Variants in GRIK3 observed in about 807,000 individuals in gnomAD.
GRIK3 encodes glutamate receptor ionotropic, kainate 3.
GRIK3 carries 29 observed loss-of-function variants against 102.5 expected under a neutral mutation model. The observed-to-expected ratio is 0.28, with a 90% CI of 0.21 to 0.39. GRIK3 has a LOEUF of 0.39. Ranked by LOEUF, GRIK3 falls within the 10% of genes least tolerant of loss-of-function variation. GRIK3 has a pLI of 1.00. For missense variants in GRIK3, 908 were observed against 1,252.4 expected (o/e 0.73, Z 4.15); for synonymous variants, 511 against 504.9 (o/e 1.01, Z -0.16).
intron 1 of GRIK3, among the ~76,000 whole-genome samples, chr1:36,984,349 C>T (rs549790259): frequency 1.1e-4 from 17 of 152,372 alleles, no homozygotes; most frequent in Admixed American, 3.3e-4. Context: ...TCACATCCCT[C>T]ATCCCACACT....
At chr1:36,909,248 T>C (rs1171775284) in intron 1 of GRIK3, among the ~76,000 whole-genome samples, 1 of 151,816 alleles carries the variant, frequency 6.6e-6, no homozygotes, top group African/African-American at 2.4e-5. Flanking sequence ...TCGGCCATAG[T>C]GAGAGTATTT....
chr1:36,917,001 G>C (rs1399090215), intron 1 of GRIK3, among the ~76,000 whole-genome samples: 1 of 152,228 alleles, frequency 6.6e-6, no homozygotes, highest in Non-Finnish European at 1.5e-5. Context: ...GCTGACCCAT[G>C]AAAGCAGCCA....
intron 5 of GRIK3, among the ~76,000 whole-genome samples, chr1:36,861,151 C>T (rs1640719535): frequency 2.0e-5 from 3 of 152,208 alleles, no homozygotes; most frequent in Admixed American, 2.0e-4. Flanking sequence ...TCAAATGCTC[C>T]TTGAGTCAGC....
intron 1 of GRIK3, among the ~76,000 whole-genome samples, chr1:36,903,317 C>T (rs1036820544): frequency 6.6e-6 from 1 of 152,230 alleles, no homozygotes; most frequent in African/African-American, 2.4e-5. Flanking sequence ...ACACTAGCAA[C>T]ACCAAAGTCT....
At chr1:36,802,732 G>C (rs1642455812) in intron 15 of GRIK3, among the ~76,000 whole-genome samples, 1 of 152,186 alleles carries the variant, frequency 6.6e-6, no homozygotes, top group Non-Finnish European at 1.5e-5. Context: ...AGCTTGCATG[G>C]AAGGCAGTGG....
intron 10 of GRIK3, among the ~76,000 whole-genome samples, chr1:36,832,108 A>T (rs1640308785): frequency 6.6e-6 from 1 of 151,948 alleles, no homozygotes. Context: ...CGCACCAGGC[A>T]CTTGTCACTC....
chr1:36,961,113 C>T (rs1458277206), intron 1 of GRIK3, among the ~76,000 whole-genome samples: 5 of 152,220 alleles, frequency 3.3e-5, no homozygotes, highest in East Asian at 1.9e-4. Flanking sequence ...TGCAGACATC[C>T]GGTGATGCCT....
At chr1:36,925,354 C>G (rs998011527) in intron 1 of GRIK3, among the ~76,000 whole-genome samples, 1 of 152,262 alleles carries the variant, frequency 6.6e-6, no homozygotes, top group Non-Finnish European at 1.5e-5. Flanking sequence ...AGTACTCTGT[C>G]CCAGCCCCCA....
rs373426049 is a variant in GRIK3 at position 36,970,211 on chromosome 1, ACT to A, written c.115+63781_115+63782del. ...AGTTTCTGCAATTTGTGAAAAGACC[ACT>A]CTCTGCTACGAGCTGGAATGGGTCT... On this transcript the variant is annotated intron_variant, in intron 1 of 15. Transcript: ENST00000373091. Among the ~76,000 whole-genome samples, 885 of 151,892 alleles carry A rather than the reference ACT, an allele frequency of 5.8e-3. 10 individuals are homozygous for A. The highest frequency in any genetic ancestry group is 0.02 in the African/African-American group (848 of 41,402).
At chr1:36,877,659 T>C (rs1259857381) in intron 3 of GRIK3, among the ~76,000 whole-genome samples, 1 of 152,238 alleles carries the variant, frequency 6.6e-6, no homozygotes, top group Non-Finnish European at 1.5e-5. Flanking sequence ...CTAGCCAGGC[T>C]GTCCTCTTGG....
chr1:37,004,903 C>T (rs2124041366), intron 1 of GRIK3, among the ~76,000 whole-genome samples: 1 of 152,350 alleles, frequency 6.6e-6, no homozygotes, highest in East Asian at 1.9e-4. Flanking sequence ...CCAGCCCGGC[C>T]CAGCACTGCA....
chr1:36,844,084 C>G (rs554504074), intron 9 of GRIK3, among the ~76,000 whole-genome samples: 2 of 152,318 alleles, frequency 1.3e-5, no homozygotes, highest in South Asian at 2.1e-4. Context: ...TTGGCCCTCT[C>G]TCCCAGCAGT....
At chr1:36,888,868 T>A (rs901945086) in intron 2 of GRIK3, among the ~76,000 whole-genome samples, 2 of 152,148 alleles carry the variant, frequency 1.3e-5, no homozygotes, top group African/African-American at 4.8e-5. Context: ...GTTGTTATAG[T>A]TATTGGTCCT....
At chr1:36,815,877 A>G (rs535807132) in intron 13 of GRIK3, among the ~76,000 whole-genome samples, 1 of 152,114 alleles carries the variant, frequency 6.6e-6, no homozygotes, top group South Asian at 2.1e-4. Context: ...CTTCTGCCTC[A>G]GCCTCCCCAG....
intron 1 of GRIK3, among the ~76,000 whole-genome samples, chr1:36,937,490 C>G (rs996661384): frequency 1.3e-5 from 2 of 152,164 alleles, no homozygotes; most frequent in African/African-American, 4.8e-5. Context: ...TAAGACATCA[C>G]AGATTTTCAG....
chr1:36,908,574 G>T (rs974546112), intron 1 of GRIK3, among the ~76,000 whole-genome samples: 1 of 152,146 alleles, frequency 6.6e-6, no homozygotes, highest in African/African-American at 2.4e-5. Context: ...TCCATTCTCT[G>T]CCTTCCCATA....
chr1:36,830,810 C>CAAAAAA (rs948901521), intron 10 of GRIK3, among the ~76,000 whole-genome samples: 4 of 41,362 alleles, frequency 9.7e-5, no homozygotes, highest in East Asian at 1.1e-3. Context: ...GACTCTGTCT[C>CAAAAAA]AAAAAAAAAA....
intron 10 of GRIK3, among the ~76,000 whole-genome samples, chr1:36,826,485 T>C (rs926540962): frequency 6.6e-6 from 1 of 151,994 alleles, no homozygotes; most frequent in Non-Finnish European, 1.5e-5. Flanking sequence ...CTACATAACA[T>C]AGTGAGACTC....
chr1:36,886,984 T>C (rs935808693), intron 2 of GRIK3, among the ~76,000 whole-genome samples: 1 of 152,260 alleles, frequency 6.6e-6, no homozygotes, highest in Non-Finnish European at 1.5e-5. Flanking sequence ...TCCGAATCTA[T>C]CCATTCTCCT....
Sources: allele counts gnomAD v4.1 joint callset (sites outside exome capture counted in the v4.1 genomes callset), GRCh38; gene constraint gnomAD v4.1.1; transcripts MANE v1.5; gene names NCBI Gene and HGNC (gene_info 2026-07-23, HGNC 2026-07-21).